Variants in ERGIC1 observed in about 807,000 individuals in gnomAD.
The protein encoded by ERGIC1 is endoplasmic reticulum-golgi intermediate compartment 1.
A neutral mutation model predicts 38.3 loss-of-function variants in ERGIC1; 19 were observed. The ratio of observed to expected loss-of-function variants is 0.50; its 90% CI spans 0.35 to 0.73. The LOEUF is 0.73. Among genes scored for constraint, ERGIC1 ranks in the 30% least tolerant of loss-of-function variants. The pLI, the probability that ERGIC1 is intolerant of heterozygous loss-of-function variation, is 0.01. For synonymous variants in ERGIC1, 124 were observed against 157.6 expected (o/e 0.79, Z 1.60); for missense variants, 294 against 389.2 (o/e 0.76, Z 2.06).
chr5:172,908,447 G>A (rs973610273), intron 3 of ERGIC1, among the ~76,000 whole-genome samples: 6 of 150,296 alleles, frequency 4.0e-5, no homozygotes, highest in Middle Eastern at 3.4e-3. Context: ...GTGGTGGCAC[G>A]CACCTGTAGT....
At chr5:172,908,785 A>T (rs1199275164) in intron 3 of ERGIC1, among the ~76,000 whole-genome samples, 3 of 152,320 alleles carry the variant, frequency 2.0e-5, no homozygotes, top group Admixed American at 2.0e-4. Context: ...TCCCGTTGTG[A>T]TAATTTGTTA....
chr5:172,848,182 C>CT (rs1761324357), intron 1 of ERGIC1, among the ~76,000 whole-genome samples: 1 of 152,130 alleles, frequency 6.6e-6, no homozygotes, highest in African/African-American at 2.4e-5. Context: ...GGGTTCATTC[C>CT]TTTTTTCCCT....
chr5:172,857,467 G>A (rs1415195820), intron 1 of ERGIC1, among the ~76,000 whole-genome samples: 1 of 152,112 alleles, frequency 6.6e-6, no homozygotes, highest in African/African-American at 2.4e-5. Flanking sequence ...TCACTGCCTT[G>A]TGTGCAGCAA....
chr5:172,918,730 A>G (rs1044672643), intron 5 of ERGIC1, among the ~76,000 whole-genome samples: 5 of 152,186 alleles, frequency 3.3e-5, no homozygotes, highest in African/African-American at 1.2e-4. Flanking sequence ...CGCAGGCCAC[A>G]GTTGGGGGTT....
chr5:172,930,208 G>A lies in ERGIC1; in HGVS notation c.542-2228G>A, dbSNP rs188850579. On this transcript the variant is annotated intron_variant, in intron 7 of 9. Transcript: ENST00000393784. ...GTTTCAAAAAAAAAAAAAAAGATAC[G>A]GTATGGTCCTATTTTAGGAAAATAC... 1.8e-3 allele frequency among the ~76,000 whole-genome samples: 267 copies of A among 148,846 alleles called. 3 individuals are homozygous for A. Among genetic ancestry groups the A allele is most frequent in the African/African-American group, 6.4e-3 (259 of 40,514 alleles).
At chr5:172,900,318 C>G (rs924481326) in intron 3 of ERGIC1, among the ~76,000 whole-genome samples, 10 of 152,170 alleles carry the variant, frequency 6.6e-5, no homozygotes, top group Non-Finnish European at 1.3e-4. Context: ...GCTCCCCATT[C>G]CCCCGTGCCA....
chr5:172,897,092 G>T lies in ERGIC1; in HGVS notation c.155+18G>T. On this transcript the variant is annotated intron_variant, in intron 3 of 9. Coordinates refer to ENST00000393784, the MANE Select transcript of ERGIC1 (RefSeq NM_001031711.3). ...ACAGAAGTGTAAGTCATACTTTCCCGATGGGGCATTCCAGGATGTTCTGGG... is the reference window on the plus strand; with the variant it reads ...ACAGAAGTGTAAGTCATACTTTCCCTATGGGGCATTCCAGGATGTTCTGGG... The T allele has an allele frequency of 2.5e-6, 4 of 1,611,776 alleles. No individual in the cohort carries two copies. The South Asian group carries it at 3.3e-5, about 13-fold the overall frequency.
chr5:172,925,259 AAAAT>A (rs1763624615), intron 6 of ERGIC1, among the ~76,000 whole-genome samples: 1 of 152,158 alleles, frequency 6.6e-6, no homozygotes, highest in South Asian at 2.1e-4. Context: ...AATAAAAATA[AAAAT>A]AAATGGTACA....
At chr5:172,917,992 T>A (rs1450725414) in intron 5 of ERGIC1, 1 of 152,286 alleles carries the variant, frequency 6.6e-6, no homozygotes, top group Admixed American at 6.5e-5. Context: ...GTCAAAACCC[T>A]GTACCTACAA....
intron 1 of ERGIC1, among the ~76,000 whole-genome samples, chr5:172,842,916 G>T (rs1401618756): frequency 1.3e-5 from 2 of 152,188 alleles, no homozygotes; most frequent in Non-Finnish European, 2.9e-5. Context: ...GGCCAAGGTG[G>T]GTGGATCACC....
Position 172,904,783 on chromosome 5 carries a change from G to A in ERGIC1, c.156-4884G>A, listed in dbSNP as rs569135882. Among the ~76,000 whole-genome samples, 504 of 152,260 alleles carry A rather than the reference G, an allele frequency of 3.3e-3. 4 individuals are homozygous for A. Among genetic ancestry groups the A allele is most frequent in the African/African-American group, 0.011 (475 of 41,560 alleles). On this transcript the variant is annotated intron_variant, in intron 3 of 9. Transcript: ENST00000393784. ...GCCCTGGAACATTTGCCTTGGACACGAAGGCGAAGGCGGCTTTATTGACCT... is the reference window on the plus strand; with the variant it reads ...GCCCTGGAACATTTGCCTTGGACACAAAGGCGAAGGCGGCTTTATTGACCT...
At chr5:172,857,255 G>A (rs1761572746) in intron 1 of ERGIC1, among the ~76,000 whole-genome samples, 1 of 152,196 alleles carries the variant, frequency 6.6e-6, no homozygotes, top group Non-Finnish European at 1.5e-5. Flanking sequence ...AATGAATGGG[G>A]CTGAGACGCT....
intron 1 of ERGIC1, among the ~76,000 whole-genome samples, chr5:172,874,902 G>C (rs942536188): frequency 9.4e-5 from 14 of 149,512 alleles, no homozygotes; most frequent in African/African-American, 3.2e-4. Context: ...TCCAGCCTGG[G>C]CAAGAGTGAG....
At chr5:172,896,620 G>A (rs1230789343) in intron 2 of ERGIC1, among the ~76,000 whole-genome samples, 1 of 152,224 alleles carries the variant, frequency 6.6e-6, no homozygotes, top group South Asian at 2.1e-4. Context: ...TGTGAAATCT[G>A]CTGACTGTTC....
chr5:172,884,311 G>A (rs1268044089), intron 1 of ERGIC1, among the ~76,000 whole-genome samples: 1 of 142,484 alleles, frequency 7.0e-6, no homozygotes, highest in Non-Finnish European at 1.5e-5. Context: ...TGGAGTGCAA[G>A]GCTCACCATA....
chr5:172,849,514 A>T (rs892767568), intron 1 of ERGIC1, among the ~76,000 whole-genome samples: 5 of 152,202 alleles, frequency 3.3e-5, no homozygotes, highest in African/African-American at 1.2e-4. Context: ...TGATGGGACT[A>T]AGACTTCAGA....
chr5:172,852,960 C>CTAAA (rs1761450189), intron 1 of ERGIC1, among the ~76,000 whole-genome samples: 1 of 152,330 alleles, frequency 6.6e-6, no homozygotes, highest in South Asian at 2.1e-4. Context: ...TTCACCTCAC[C>CTAAA]TAAACTCCCT....
chr5:172,950,895 A>G lies in ERGIC1; in HGVS notation c.*79A>G, dbSNP rs1764217128. On this transcript the variant is annotated 3_prime_UTR_variant, in exon 10 of 10. Transcript: ENST00000393784. ...AGTGCCCTGTCTCCTTTGGCCCTCA[A>G]TCTGGTCCCAAATCTGGCTGTGTCC... The G allele has an allele frequency of 1.5e-5, 19 of 1,275,252 alleles. No homozygotes were observed. Among genetic ancestry groups the G allele is most frequent in the East Asian group, 5.2e-5 (2 of 38,096 alleles). 79.0% of individuals were successfully genotyped at this position (1,275,252 alleles called of 1,614,324 possible).
At chr5:172,882,245 C>T (rs916718925) in intron 1 of ERGIC1, among the ~76,000 whole-genome samples, 1 of 152,200 alleles carries the variant, frequency 6.6e-6, no homozygotes, top group Non-Finnish European at 1.5e-5. Context: ...TTGGCAGCTT[C>T]ATGGGGTGGT....
Sources: gnomAD v4.1 joint callset for allele counts (sites outside exome capture counted in the v4.1 genomes callset) on GRCh38, gnomAD v4.1.1 for gene constraint, MANE v1.5 for transcripts, NCBI Gene and HGNC (gene_info 2026-07-23, HGNC 2026-07-21) for gene names.